Variants in PLD5 observed in about 807,000 individuals in gnomAD.
PLD5 encodes phospholipase D family member 5.
In PLD5, 36 loss-of-function variants were observed where a neutral mutation model predicts 61.1. The ratio of observed to expected loss-of-function variants is 0.59; its 90% CI spans 0.45 to 0.78. The LOEUF is 0.78. Ranked by LOEUF, PLD5 falls within the 30% of genes least tolerant of loss-of-function variation. The pLI is 0.00. For missense variants in PLD5, 515 were observed against 644.4 expected (o/e 0.80, Z 2.17); for synonymous variants, 243 against 242.8 (o/e 1.00, Z -0.01).
At chr1:242,198,936 G>A (rs1471762996) in intron 5 of PLD5, among the ~76,000 whole-genome samples, 2 of 152,010 alleles carry the variant, frequency 1.3e-5, no homozygotes, top group African/African-American at 4.8e-5. Flanking sequence ...GTTTCTCCAT[G>A]TTGGTCAGGC....
intron 2 of PLD5, among the ~76,000 whole-genome samples, chr1:242,325,102 C>T (rs752927690): frequency 2.7e-4 from 41 of 152,138 alleles, no homozygotes; most frequent in Non-Finnish European, 5.1e-4. Flanking sequence ...GGGTAGGAGG[C>T]GAGAAGAACC....
At chr1:242,153,348 A>G (rs1267954846) in intron 5 of PLD5, among the ~76,000 whole-genome samples, 1 of 152,144 alleles carries the variant, frequency 6.6e-6, no homozygotes, top group East Asian at 1.9e-4. Flanking sequence ...GGAGCTCTTT[A>G]GTTTAATTAG....
intron 1 of PLD5, among the ~76,000 whole-genome samples, chr1:242,370,229 G>A (rs1373953911): frequency 6.6e-6 from 1 of 152,192 alleles, no homozygotes; most frequent in Non-Finnish European, 1.5e-5. Context: ...AACTTATTTA[G>A]TTCCTTGCTT....
rs146889631 is a variant in PLD5 at position 242,289,672 on chromosome 1, G to T, written c.327-1142C>A. Among the ~76,000 whole-genome samples the T allele has an allele frequency of 6.3e-3, 962 of 152,208 alleles. 10 individuals are homozygous for T. Among genetic ancestry groups the T allele is most frequent in the African/African-American group, 0.022 (904 of 41,524 alleles). On this transcript the variant is annotated intron_variant, in intron 2 of 9. Transcript: ENST00000536534. ...ACCCAGCCTCCTGCAATTCTTGATG[G>T]AAAACCTCAAGTCCTTATGAAAATA...
intron 5 of PLD5, among the ~76,000 whole-genome samples, chr1:242,171,543 A>G (rs1256507562): frequency 6.6e-6 from 1 of 152,206 alleles, no homozygotes; most frequent in African/African-American, 2.4e-5. Flanking sequence ...GCATAACAAT[A>G]TTAACCTTAA....
intron 2 of PLD5, among the ~76,000 whole-genome samples, chr1:242,297,375 TCC>T (rs1450974216): frequency 7.4e-6 from 1 of 134,762 alleles, no homozygotes; most frequent in Admixed American, 7.5e-5. Context: ...AAGGAAAGCT[TCC>T]CCCCTTTTCC....
chr1:242,424,981 A>G (rs941431205), intron 1 of PLD5, among the ~76,000 whole-genome samples: 1 of 152,084 alleles, frequency 6.6e-6, no homozygotes, highest in Non-Finnish European at 1.5e-5. Flanking sequence ...AAAATACAAC[A>G]ATTAGCTGGG....
At chr1:242,110,503 T>C (rs566006829) in intron 7 of PLD5, among the ~76,000 whole-genome samples, 3 of 152,180 alleles carry the variant, frequency 2.0e-5, no homozygotes, top group Admixed American at 6.6e-5. Context: ...TGGTACACAG[T>C]GCTCAATAAA....
At chr1:242,345,936 C>G (rs1558483292) in intron 2 of PLD5, among the ~76,000 whole-genome samples, 1 of 150,914 alleles carries the variant, frequency 6.6e-6, no homozygotes, top group African/African-American at 2.4e-5. Context: ...TCTGAGAATG[C>G]AGAACAGAAA....
intron 4 of PLD5, among the ~76,000 whole-genome samples, chr1:242,232,266 T>G (rs1175773604): frequency 6.6e-6 from 1 of 152,174 alleles, no homozygotes; most frequent in Non-Finnish European, 1.5e-5. Context: ...AAGATTAACT[T>G]GAATTACACC....
At chr1:242,248,330 C>T (rs1196933537) in intron 4 of PLD5, among the ~76,000 whole-genome samples, 4 of 152,044 alleles carry the variant, frequency 2.6e-5, no homozygotes, top group Non-Finnish European at 4.4e-5. Context: ...CTAATAATGT[C>T]ACACTGGACA....
chr1:242,106,380 A>G (rs1460759114), intron 8 of PLD5, among the ~76,000 whole-genome samples: 5 of 152,148 alleles, frequency 3.3e-5, no homozygotes, highest in Admixed American at 6.5e-5. Context: ...CCCTTGTGGG[A>G]GGTGAGAATG....
At chr1:242,284,946 C>T (rs1343118042) in intron 3 of PLD5, among the ~76,000 whole-genome samples, 3 of 152,188 alleles carry the variant, frequency 2.0e-5, no homozygotes, top group Non-Finnish European at 4.4e-5. Context: ...CTACAGAAAA[C>T]CAGCTGGTTT....
intron 1 of PLD5, among the ~76,000 whole-genome samples, chr1:242,502,280 C>T (rs1006789333): frequency 1.3e-5 from 2 of 152,156 alleles, no homozygotes; most frequent in African/African-American, 4.8e-5. Context: ...CGATGGCCAC[C>T]GTCTAGGAGC....
intron 3 of PLD5, among the ~76,000 whole-genome samples, chr1:242,274,183 A>G (rs1419308259): frequency 6.6e-6 from 1 of 152,262 alleles, no homozygotes; most frequent in Non-Finnish European, 1.5e-5. Flanking sequence ...TACAAAGTTA[A>G]TAAGAAAATC....
At position 242,089,407 on chromosome 1, in the gene PLD5, T is replaced by A; in HGVS notation, c.*447A>T. ...CTGACTGTGTAGGTCTTGGAGACGA[T>A]TTACAAGAATAAACACTTGGTTTTA... On this transcript the variant is annotated 3_prime_UTR_variant, in exon 10 of 10. Transcript: ENST00000536534. The A allele has an allele frequency of 2.5e-6, 1 of 401,828 alleles. No individual in the cohort carries two copies. The allele number at this position is 401,828 out of a possible 1,614,324, so 24.9% of individuals were successfully genotyped here. A position where few individuals can be genotyped will look rare whatever the true frequency, so the allele number is the denominator to read the frequency against.
At chr1:242,098,306 C>T (rs1660409029) in intron 9 of PLD5, among the ~76,000 whole-genome samples, 1 of 152,150 alleles carries the variant, frequency 6.6e-6, no homozygotes, top group Non-Finnish European at 1.5e-5. Flanking sequence ...TCATTTCATT[C>T]ATCTGATCTT....
intron 1 of PLD5, among the ~76,000 whole-genome samples, chr1:242,495,973 T>C (rs1668356081): frequency 6.6e-6 from 1 of 152,246 alleles, no homozygotes; most frequent in African/African-American, 2.4e-5. Context: ...CCCATTACTT[T>C]TGGCATCAAA....
chr1:242,257,038 T>TTCTATCTA (rs35243238), intron 4 of PLD5, among the ~76,000 whole-genome samples: 41,745 of 142,118 alleles, frequency 0.29, 6,217 homozygotes, highest in Non-Finnish European at 0.31. Context: ...CCTACCTACC[T>TTCTATCTA]TCTATCTATC....
Sources: gnomAD v4.1 joint callset for allele counts (sites outside exome capture counted in the v4.1 genomes callset) on GRCh38, gnomAD v4.1.1 for gene constraint, MANE v1.5 for transcripts, NCBI Gene and HGNC (gene_info 2026-07-23, HGNC 2026-07-21) for gene names.